Variants in TRAP1 observed in about 807,000 individuals in gnomAD.
TRAP1 encodes the protein heat shock protein 75 kDa, mitochondrial.
TRAP1 carries 102 observed loss-of-function variants against 89.1 expected under a neutral mutation model. The ratio of observed to expected loss-of-function variants is 1.15; its 90% CI spans 0.98 to 1.35. TRAP1 has a LOEUF of 1.35. Ranked by LOEUF, TRAP1 falls within the 40% of genes most tolerant of loss-of-function variation. The pLI, the probability that TRAP1 is intolerant of heterozygous loss-of-function variation, is 0.00. For missense variants in TRAP1, 1,256 were observed against 945.3 expected (o/e 1.33, Z -4.31); for synonymous variants, 508 against 388.0 (o/e 1.31, Z -3.64).
chr16:3,660,728 A>G (rs2043024252), intron 16 of TRAP1: 1 of 152,170 alleles, frequency 6.6e-6, no homozygotes, highest in Non-Finnish European at 1.5e-5. Context: ...TGGTTGTAAA[A>G]TGACAAAAGA....
chr16:3,683,854 G>A (rs945933104), intron 4 of TRAP1, among the ~76,000 whole-genome samples: 6 of 151,268 alleles, frequency 4.0e-5, no homozygotes, highest in Admixed American at 6.6e-5. Context: ...CAGGCGACCC[G>A]CACAATGTGA....
intron 13 of TRAP1, 141 bp from the exon 14 acceptor site, chr16:3,663,703 G>T: frequency 9.9e-7 from 1 of 1,012,586 alleles, no homozygotes; most frequent in Non-Finnish European, 1.4e-6. Flanking sequence ...TCCTAGGCCT[G>T]CATGACAGTT....
intron 1 of TRAP1, among the ~76,000 whole-genome samples, chr16:3,698,418 C>T (rs1400621148): frequency 6.6e-6 from 1 of 151,572 alleles, no homozygotes; most frequent in Non-Finnish European, 1.5e-5. Context: ...TCATGCCATT[C>T]TCCTGCCTCA....
chr16:3,702,829 G>C (rs1430046201), intron 1 of TRAP1, among the ~76,000 whole-genome samples: 3 of 151,576 alleles, frequency 2.0e-5, no homozygotes, highest in Non-Finnish European at 4.4e-5. Flanking sequence ...GATCACCTGA[G>C]GTTGGGAGTT....
intron 4 of TRAP1, among the ~76,000 whole-genome samples, chr16:3,682,811 G>A (rs1449757660): frequency 1.3e-5 from 2 of 151,892 alleles, no homozygotes; most frequent in African/African-American, 4.8e-5. Flanking sequence ...AGCGAACCCT[G>A]ATAGCACCAA....
At chr16:3,662,257 G>T (rs1224607175) in intron 15 of TRAP1, 125 bp from the exon 16 acceptor site, 7 of 1,155,940 alleles carry the variant, frequency 6.1e-6, no homozygotes, top group Non-Finnish European at 7.3e-6. Context: ...GGACTCCCCT[G>T]GACCAGCGCT....
intron 4 of TRAP1, among the ~76,000 whole-genome samples, chr16:3,680,441 G>A (rs2051059877): frequency 6.6e-6 from 1 of 152,226 alleles, no homozygotes; most frequent in South Asian, 2.1e-4. Flanking sequence ...GTGGTTCTGG[G>A]GAACAGTGAT....
At chr16:3,710,893 G>A in intron 1 of TRAP1, among the ~76,000 whole-genome samples, 1 of 114,398 alleles carries the variant, frequency 8.7e-6, no homozygotes, top group African/African-American at 5.0e-5. Context: ...TTTTTTTTGA[G>A]ACACTGTCAC....
intron 6 of TRAP1, 56 bp from the exon 7 acceptor site, chr16:3,676,201 G>C: frequency 1.3e-6 from 2 of 1,487,300 alleles, no homozygotes; most frequent in Non-Finnish European, 1.9e-6. Context: ...GACATACCCT[G>C]CATGGGACTC....
At chr16:3,698,344 C>T (rs2051318457) in intron 1 of TRAP1, among the ~76,000 whole-genome samples, 1 of 149,870 alleles carries the variant, frequency 6.7e-6, no homozygotes, top group African/African-American at 2.4e-5. Flanking sequence ...TAGAGTCTCA[C>T]TCTGTTGCCC....
rs371587568 is a variant in TRAP1 at position 3,708,409 on chromosome 16, C to A, written c.88+9012G>T. 2.6e-5 allele frequency among the ~76,000 whole-genome samples: 4 copies of A among 152,132 alleles called. No homozygotes were observed. In the South Asian group the frequency reaches 8.3e-4, roughly 32 times the overall value. On this transcript the variant is annotated intron_variant, in intron 1 of 17. Coordinates refer to ENST00000246957, the MANE Select transcript of TRAP1 (RefSeq NM_016292.3). ...ATGCCAACACTTTGGGAGGCTGAGGCGGATGGATCATGAGGTCAGGAGTTC... is the reference window on the plus strand; with the variant it reads ...ATGCCAACACTTTGGGAGGCTGAGGAGGATGGATCATGAGGTCAGGAGTTC...
At chr16:3,676,288 G>A (rs2050992846) in intron 6 of TRAP1, 143 bp from the exon 7 acceptor site, 1 of 499,610 alleles carries the variant, frequency 2.0e-6, no homozygotes, top group South Asian at 2.5e-5. Context: ...TCTGACCCCA[G>A]CGCACCACTC....
At position 3,704,476 on chromosome 16, in the gene TRAP1, T is replaced by C. The variant is rs73489761; in HGVS notation, c.88+12945A>G. 329 of 152,328 alleles carry C rather than the reference T, an allele frequency of 2.2e-3. 1 individual carries two copies. The highest frequency in any genetic ancestry group is 7.4e-3 in the African/African-American group (308 of 41,572). 9.4% of individuals were successfully genotyped at this position (152,328 alleles called of 1,614,324 possible). A position where few individuals can be genotyped will look rare whatever the true frequency, so the allele number is the denominator to read the frequency against. On this transcript the variant is annotated intron_variant, in intron 1 of 17. Coordinates refer to ENST00000246957, the MANE Select transcript of TRAP1 (RefSeq NM_016292.3). ...ATGTGGAAAAGTTAGTGTACATAAA[T>C]AGCCAAAGAAATTTTGAAAAAACTG... is the stretch of plus-strand genomic sequence containing the variant.
intron 1 of TRAP1, among the ~76,000 whole-genome samples, chr16:3,700,359 GT>G (rs1211208993): frequency 6.6e-6 from 1 of 151,896 alleles, no homozygotes; most frequent in East Asian, 1.9e-4. Flanking sequence ...TAGAGACGGG[GT>G]TTCTCCATGT....
At chr16:3,688,466 A>G (rs2051167578) in intron 3 of TRAP1, among the ~76,000 whole-genome samples, 1 of 151,996 alleles carries the variant, frequency 6.6e-6, no homozygotes, top group Non-Finnish European at 1.5e-5. Flanking sequence ...AATTCAGCAG[A>G]GCTGCACGCT....
rs973775835 is a variant in TRAP1 at position 3,698,523 on chromosome 16, T to C, written c.89-7538A>G. Among the ~76,000 whole-genome samples, 11 of 151,532 alleles carry C rather than the reference T, an allele frequency of 7.3e-5. 1 individual carries two copies. Among genetic ancestry groups the C allele is most frequent in the East Asian group, 2.0e-4 (1 of 5,048 alleles). On this transcript the variant is annotated intron_variant, in intron 1 of 17. Coordinates refer to ENST00000246957, the MANE Select transcript of TRAP1 (RefSeq NM_016292.3). ...TTCACCGTGTTAGCCAGGATGGTCT[T>C]GATCTCCTGACCTCGTGATCTGCCC... is the stretch of plus-strand genomic sequence containing the variant.
intron 4 of TRAP1, chr16:3,680,083 C>A: frequency 3.4e-6 from 1 of 294,832 alleles, no homozygotes; most frequent in African/African-American, 2.1e-5. Flanking sequence ...AGAAATTAGC[C>A]AGGCATGATG....
chr16:3,679,983 A>T, intron 4 of TRAP1, 193 bp from the exon 5 acceptor site: 1 of 577,520 alleles, frequency 1.7e-6, no homozygotes, highest in Non-Finnish European at 3.1e-6. Context: ...TAATCCCAGC[A>T]CTATGGGAGG....
intron 9 of TRAP1, among the ~76,000 whole-genome samples, chr16:3,673,861 G>A (rs910060498): frequency 1.8e-4 from 15 of 83,558 alleles, no homozygotes; most frequent in Admixed American, 1.5e-3. Flanking sequence ...ACACAGAGAG[G>A]CCAACGGAGA....
Sources: gnomAD v4.1 joint callset for allele counts (sites outside exome capture counted in the v4.1 genomes callset) on GRCh38, gnomAD v4.1.1 for gene constraint, MANE v1.5 for transcripts, NCBI Gene and HGNC (gene_info 2026-07-23, HGNC 2026-07-21) for gene names.